Variants in ZNF462 observed in about 807,000 individuals in gnomAD.
ZNF462 encodes the protein zinc finger PBX1-interacting protein.
Under a neutral mutation model 201.9 loss-of-function variants are expected in ZNF462, and 10 were observed. The observed-to-expected ratio is 0.05, with a 90% confidence interval of 0.03 to 0.08. The LOEUF is 0.08. Ranked by LOEUF, ZNF462 falls within the 10% of genes least tolerant of loss-of-function variation. The pLI is 1.00. For synonymous variants in ZNF462, 1,227 were observed against 1,193.3 expected (o/e 1.03, Z -0.58); for missense variants, 2,523 against 3,168.3 (o/e 0.80, Z 4.89).
rs143235057 is a variant in ZNF462, at chr9:106,924,212, T to C, written c.300T>C (p.Asn100=). ...ATTATGGTCAGCATATTGCCGCTAA[T>C]CCCAAACCAACAAACAAGTTTTTTC... is the stretch of plus-strand genomic sequence containing the variant. ...PGYYGQHIAA[N]PKPTNKFFQC... The change falls in exon 3 of 13, where the codon AAT becomes AAC. Residue 100 remains asparagine (N), a synonymous_variant. Coordinates refer to ENST00000277225, the MANE Select transcript of ZNF462 (RefSeq NM_021224.6). This position sits in a 1 kb window ranked among gnomAD's most constrained non-coding sequence, Gnocchi z 6.2. The C allele has an allele frequency of 4.3e-6, 7 of 1,614,020 alleles. No homozygotes were observed. In the African/African-American group the frequency reaches 9.3e-5, roughly 22 times the overall value.
intron 7 of ZNF462, among the ~76,000 whole-genome samples, chr9:106,942,749 G>T (rs769411870): frequency 6.6e-6 from 1 of 152,156 alleles, no homozygotes; most frequent in Non-Finnish European, 1.5e-5. Context: ...CTAGGACAGC[G>T]TAGTTTAGCT....
chr9:106,906,815 G>A (rs536014663), intron 1 of ZNF462, among the ~76,000 whole-genome samples: 2 of 152,258 alleles, frequency 1.3e-5, no homozygotes, highest in East Asian at 1.9e-4. Context: ...TTGGGCCCAC[G>A]CCTAGATAAT....
rs1180640832 is a variant in ZNF462 at position 106,883,463 on chromosome 9, C to T, written c.-31+20108C>T. 6.6e-6 allele frequency among the ~76,000 whole-genome samples: 1 copy of T among 152,140 alleles called. No homozygotes were observed. Among genetic ancestry groups the T allele is most frequent in the Non-Finnish European group, 1.5e-5 (1 of 68,024 alleles). On this transcript the variant is annotated intron_variant, in intron 1 of 12. Coordinates refer to ENST00000277225, the MANE Select transcript of ZNF462 (RefSeq NM_021224.6). The surrounding 1 kb of genome is among the most constrained non-coding windows in gnomAD (Gnocchi z 4.9). ...CCTGTTTGGTAATTCTGATTTTAAT[C>T]CTCACATTTTATCCCAGTTCATTCT...
intron 7 of ZNF462, among the ~76,000 whole-genome samples, chr9:106,965,954 C>G (rs949422441): frequency 8.6e-5 from 13 of 152,028 alleles, no homozygotes; most frequent in Admixed American, 6.6e-5. Flanking sequence ...TTTAGCTGCC[C>G]TCTTACCTTT....
chr9:106,880,748 AT>A lies in ZNF462; in HGVS notation c.-31+17397del, dbSNP rs1429556132. On this transcript the variant is annotated intron_variant, in intron 1 of 12. Transcript: ENST00000277225. The surrounding 1 kb of genome is among the most constrained non-coding windows in gnomAD (Gnocchi z 4.1). ...CTTCAGTATAAGGGAAAAGTAAAAC[AT>A]TTTGGTTCCTTTGTGAATTAAAAAG... Among the ~76,000 whole-genome samples, 1 of 152,222 alleles carries A rather than the reference AT, an allele frequency of 6.6e-6. No homozygotes were observed. The highest frequency in any genetic ancestry group is 1.5e-5 in the Non-Finnish European group (1 of 68,030).
At chr9:106,941,259 A>G (rs959158057) in intron 7 of ZNF462, among the ~76,000 whole-genome samples, 1 of 152,086 alleles carries the variant, frequency 6.6e-6, no homozygotes, top group Admixed American at 6.6e-5. Context: ...TGAGTATAGT[A>G]TTTTTCTGGC....
intron 1 of ZNF462, among the ~76,000 whole-genome samples, chr9:106,912,454 G>A (rs1160686065): frequency 6.6e-6 from 1 of 152,186 alleles, no homozygotes; most frequent in African/African-American, 2.4e-5. Context: ...TGGATTCAGA[G>A]TAGAGGAGAC....
In ZNF462 at chr9:106,902,522, G is replaced by A. The variant is rs190356645; in HGVS notation, c.-30-20832G>A. On this transcript the variant is annotated intron_variant, in intron 1 of 12. Transcript: ENST00000277225. The surrounding 1 kb of genome is among the most constrained non-coding windows in gnomAD (Gnocchi z 4.2). ...GTACAAATTCTTTTTTGAATGTCTC[G>A]TAGAATTCTGCTGTGAATCCATCTG... Among the ~76,000 whole-genome samples the A allele has an allele frequency of 3.6e-4, 55 of 152,134 alleles. No individual in the cohort carries two copies. Among genetic ancestry groups the A allele is most frequent in the Admixed American group, 2.3e-3 (35 of 15,272 alleles).
At chr9:106,903,127 G>A (rs1245301876) in intron 1 of ZNF462, among the ~76,000 whole-genome samples, 1 of 151,868 alleles carries the variant, frequency 6.6e-6, no homozygotes, top group African/African-American at 2.4e-5. Context: ...GGTTTTGATA[G>A]GTTGTGTCAT....
intron 7 of ZNF462, among the ~76,000 whole-genome samples, 199 bp downstream of exon 7, chr9:106,939,306 C>T (rs890961586): frequency 1.3e-5 from 2 of 152,004 alleles, no homozygotes; most frequent in Non-Finnish European, 2.9e-5. Context: ...TGTGTGACGC[C>T]ATGATGAAAA....
rs1831866675 is a variant in ZNF462 at position 106,962,033 on chromosome 9, G to T, written c.6428-9972G>T. 6.6e-6 allele frequency among the ~76,000 whole-genome samples: 1 copy of T among 152,032 alleles called. No homozygotes were observed. Among genetic ancestry groups the T allele is most frequent in the Admixed American group, 6.6e-5 (1 of 15,240 alleles). ...AGGATCGGCCTGGAAAGATGAAGGA[G>T]AGTGTGAGCCCCATGGTTCAGAGTT... On this transcript the variant is annotated intron_variant, in intron 7 of 12. Transcript: ENST00000277225. This position sits in a 1 kb window ranked among gnomAD's most constrained non-coding sequence, Gnocchi z 4.6.
chr9:106,915,900 A>G (rs1588048599), intron 1 of ZNF462, among the ~76,000 whole-genome samples: 3 of 152,236 alleles, frequency 2.0e-5, no homozygotes, highest in Admixed American at 6.5e-5. Flanking sequence ...TTTGTCTGCT[A>G]TAAGAAAATA....
At chr9:106,988,603 C>T (rs1357072970) in intron 10 of ZNF462, among the ~76,000 whole-genome samples, 3 of 152,104 alleles carry the variant, frequency 2.0e-5, no homozygotes, top group Non-Finnish European at 4.4e-5. Context: ...ATGCAGATTG[C>T]ATTAAATTTG....
intron 7 of ZNF462, among the ~76,000 whole-genome samples, chr9:106,941,104 T>C (rs1262275191): frequency 6.6e-6 from 1 of 152,168 alleles, no homozygotes. Context: ...AAGGTGGGTC[T>C]CAGTCAGAGG....
In ZNF462 at chr9:106,933,680, C is replaced by T. The variant is rs1397800396; in HGVS notation, c.6116+1131C>T. ...AACCCACTGACTCATCAAAATAAAG[C>T]ACGTCTTTGAAAATATCAGTAAAAT... On this transcript the variant is annotated intron_variant, in intron 5 of 12. Coordinates refer to ENST00000277225, the MANE Select transcript of ZNF462 (RefSeq NM_021224.6). This position sits in a 1 kb window ranked among gnomAD's most constrained non-coding sequence, Gnocchi z 4.3. 6.6e-6 allele frequency among the ~76,000 whole-genome samples: 1 copy of T among 151,974 alleles called. No homozygotes were observed. The highest frequency in any genetic ancestry group is 1.5e-5 in the Non-Finnish European group (1 of 67,990).
chr9:106,992,158 A>G (rs1564158397), intron 10 of ZNF462, among the ~76,000 whole-genome samples: 1 of 152,106 alleles, frequency 6.6e-6, no homozygotes, highest in Non-Finnish European at 1.5e-5. Flanking sequence ...AAGATAAGCA[A>G]TTCAGTTAAA....
rs1438537140 is a variant in ZNF462 at position 106,913,025 on chromosome 9, T to C, written c.-30-10329T>C. 6.6e-6 allele frequency among the ~76,000 whole-genome samples: 1 copy of C among 152,194 alleles called. No individual in the cohort carries two copies. The highest frequency in any genetic ancestry group is 1.5e-5 in the Non-Finnish European group (1 of 68,034). On this transcript the variant is annotated intron_variant, in intron 1 of 12. Coordinates refer to ENST00000277225, the MANE Select transcript of ZNF462 (RefSeq NM_021224.6). This position sits in a 1 kb window ranked among gnomAD's most constrained non-coding sequence, Gnocchi z 4.1. ...GAAGGCAACCAAATGGTCTCAAGTG[T>C]AGTCAGGTGATGACTCCAGGTGTCA...
chr9:106,966,895 G>A lies in ZNF462; in HGVS notation c.6428-5110G>A, dbSNP rs1832097455. ...CAAATATAATTAAATGTACTCGCTG[G>A]CACCAAGGTACTTCTGTTCCCTTTC... On this transcript the variant is annotated intron_variant, in intron 7 of 12. Transcript: ENST00000277225. The surrounding 1 kb of genome is among the most constrained non-coding windows in gnomAD (Gnocchi z 4.4). Among the ~76,000 whole-genome samples, 1 of 152,054 alleles carries A rather than the reference G, an allele frequency of 6.6e-6. No individual in the cohort carries two copies. The highest frequency in any genetic ancestry group is 1.5e-5 in the Non-Finnish European group (1 of 67,994).
rs1829227070 is a variant in ZNF462, at chr9:106,905,381, A to G, written c.-30-17973A>G. On this transcript the variant is annotated intron_variant, in intron 1 of 12. Coordinates refer to ENST00000277225, the MANE Select transcript of ZNF462 (RefSeq NM_021224.6). The surrounding 1 kb of genome is among the most constrained non-coding windows in gnomAD (Gnocchi z 5.9). ...CTTAGCTTTGGTGATTTAATGGTCT[A>G]TTTTTGTGCTCATTGGCCTCCTGCC... Among the ~76,000 whole-genome samples the G allele has an allele frequency of 6.6e-6, 1 of 152,118 alleles. No individual in the cohort carries two copies. The highest frequency in any genetic ancestry group is 2.4e-5 in the African/African-American group (1 of 41,426).
Sources: allele counts gnomAD v4.1 joint callset (sites outside exome capture counted in the v4.1 genomes callset), GRCh38; gene constraint gnomAD v4.1.1; non-coding constraint Gnocchi (gnomAD v3.1); transcripts MANE v1.5; gene names NCBI Gene and HGNC (gene_info 2026-07-23, HGNC 2026-07-21).